Variants in UBR4 observed in about 807,000 individuals in gnomAD.
UBR4 encodes the protein ubiquitin protein ligase E3 component n-recognin 4, also known as E3 ubiquitin-protein ligase UBR4.
A neutral mutation model predicts 575.6 loss-of-function variants in UBR4; 124 were observed. The observed-to-expected ratio is 0.22, with a 90% CI of 0.19 to 0.25. UBR4 has a LOEUF of 0.25. UBR4 is among the 10% of genes least tolerant of loss of function. UBR4 has a pLI of 1.00. For synonymous variants in UBR4, 2,455 were observed against 2,473.7 expected, an observed-to-expected ratio of 0.99 and a Z score of 0.22; for missense variants, 4,818 against 6,478.8, an observed-to-expected ratio of 0.74 and a Z score of 8.80.
At chr1:19,119,851 A>G in intron 69 of UBR4, 150 bp from the exon 70 acceptor site, 4 of 1,121,628 alleles carry the variant, frequency 3.6e-6, no homozygotes, top group Non-Finnish European at 5.0e-6. Flanking sequence ...ATCCTACCAG[A>G]TGCAGCATAG....
At chr1:19,097,303 A>C in intron 90 of UBR4, 23 bp from the exon 91 acceptor site, 1 of 1,608,498 alleles carries the variant, frequency 6.2e-7, no homozygotes, top group Non-Finnish European at 8.5e-7. Context: ...AGTTGGAGAA[A>C]GGTACTTAAA....
At chr1:19,155,278 G>A (rs2086287212) in intron 43 of UBR4, among the ~76,000 whole-genome samples, 163 bp downstream of exon 43, 1 of 152,094 alleles carries the variant, frequency 6.6e-6, no homozygotes. Flanking sequence ...AAGAGAGTTT[G>A]CTATTAGGTA....
At position 19,144,082 on chromosome 1, in the gene UBR4, C is replaced by T. The variant is rs2084486571; in HGVS notation, c.8077G>A (p.Val2693Met). 1.2e-6 allele frequency: 2 copies of T among 1,613,900 alleles called. No homozygotes were observed. Among genetic ancestry groups the T allele is most frequent in the Non-Finnish European group, 8.5e-7 (1 of 1,179,816 alleles). ...AGAGCTTGTTTACAAGAGAAGCTCACAGCAGGATCCTGAGGTTTAAAAGGA... is the reference window on the plus strand; with the variant it reads ...AGAGCTTGTTTACAAGAGAAGCTCATAGCAGGATCCTGAGGTTTAAAAGGA... ...MQMLLCPDPA[V>M]SFSCKQALIR... Residue 2693 changes from valine to methionine, a missense_variant, in exon 55 of 106, where the codon GTG (valine) becomes ATG (methionine). Coordinates refer to ENST00000375254, the MANE Select transcript of UBR4 (RefSeq NM_020765.3).
Position 19,139,831 on chromosome 1 carries a change from A to G in UBR4, c.8594-611T>C, listed in dbSNP as rs1262601107. ...CATCCTCATCAGATGCTAATAATGA[A>G]GCAAGGAAATTCCCCAGAGACAGCC... On this transcript the variant is annotated intron_variant, in intron 58 of 105. Coordinates refer to ENST00000375254, the MANE Select transcript of UBR4 (RefSeq NM_020765.3). This position sits in a 1 kb window ranked among gnomAD's most constrained non-coding sequence, Gnocchi z 4.2. Among the ~76,000 whole-genome samples, 1 of 152,214 alleles carries G rather than the reference A, an allele frequency of 6.6e-6. No individual in the cohort carries two copies. The highest frequency in any genetic ancestry group is 2.4e-5 in the African/African-American group (1 of 41,458).
At chr1:19,098,962 G>GA (rs1286310827) in intron 90 of UBR4, among the ~76,000 whole-genome samples, 13 of 152,134 alleles carry the variant, frequency 8.5e-5, no homozygotes, top group African/African-American at 2.7e-4. Context: ...GGAAGAAAAA[G>GA]AAACAGGAAG....
In UBR4 at chr1:19,093,796, T is replaced by C. The variant is rs983449054; in HGVS notation, c.13937+153A>G. Among the ~76,000 whole-genome samples, 1 of 152,168 alleles carries C rather than the reference T, an allele frequency of 6.6e-6. No individual in the cohort carries two copies. The highest frequency in any genetic ancestry group is 2.4e-5 in the African/African-American group (1 of 41,444). On this transcript the variant is annotated intron_variant, in intron 95 of 105. Coordinates refer to ENST00000375254, the MANE Select transcript of UBR4 (RefSeq NM_020765.3). This position sits in a 1 kb window ranked among gnomAD's most constrained non-coding sequence, Gnocchi z 4.8. ...CTACTCTAATACAGTATATTTTAAC[T>C]ATTCACTTCCCAACTAGACTGAGCT...
At position 19,095,024 on chromosome 1, in the gene UBR4, G is replaced by A; in HGVS notation, c.13628C>T (p.Ala4543Val). 1 of 1,614,188 alleles carries A rather than the reference G, an allele frequency of 6.2e-7. No homozygotes were observed. Among genetic ancestry groups the A allele is most frequent in the Non-Finnish European group, 8.5e-7 (1 of 1,180,024 alleles). The change falls in exon 94 of 106, where the codon GCC becomes GTC. Residue 4543 changes from alanine (A) to valine (V), a missense_variant and splice_region_variant. Ala to Val is a moderately conservative substitution (Grantham distance 64). Around this residue, in one of 29 missense-constraint regions of UBR4, gnomAD observed 165 missense variants for 282.3 expected, o/e 0.58. Coordinates refer to ENST00000375254, the MANE Select transcript of UBR4 (RefSeq NM_020765.3). ...LNVMLGTLNL[A>V]LVAEQESKDS... ...CTTGCTTTCTTGTTCAGCTACAAGG[G>A]CCTGTAGGAGAAGGAGACTCAGTCA...
intron 1 of UBR4, among the ~76,000 whole-genome samples, chr1:19,205,956 T>C (rs551695774): frequency 6.6e-6 from 1 of 152,312 alleles, no homozygotes; most frequent in African/African-American, 2.4e-5. Flanking sequence ...AATTGTCGAA[T>C]GATAACCATG....
At position 19,123,017 on chromosome 1, in the gene UBR4, C is replaced by T. The variant is rs1225893584; in HGVS notation, c.9632G>A (p.Arg3211His). 1.9e-6 allele frequency: 3 copies of T among 1,614,058 alleles called. No homozygotes were observed. Among genetic ancestry groups the T allele is most frequent in the Non-Finnish European group, 2.5e-6 (3 of 1,180,038 alleles). The change falls in exon 66 of 106, where the codon CGC becomes CAC. Residue 3211 changes from arginine (R) to histidine (H), a missense_variant. Physicochemically the swap from Arg to His is conservative, Grantham distance 29. This residue lies in a region of UBR4 where 550 missense variants were observed against 791.5 expected (regional missense o/e 0.69). Coordinates refer to ENST00000375254, the MANE Select transcript of UBR4 (RefSeq NM_020765.3). The stretch of plus-strand genomic sequence containing the variant: ...TCCACAGATGAAGAGCAGAAGTTTG[C>T]GGACTTGACGGCGCACAAATGGAGT... ...QQTPFVRRQV[R>H]KLLLFICGSK...
At chr1:19,175,622 G>T (rs985503064) in intron 20 of UBR4, among the ~76,000 whole-genome samples, 2 of 152,024 alleles carry the variant, frequency 1.3e-5, no homozygotes. Context: ...GTTCACATTC[G>T]TTTCAGACCA....
intron 19 of UBR4, 51 bp downstream of exon 19, chr1:19,177,410 G>T: frequency 6.3e-7 from 1 of 1,592,082 alleles, no homozygotes; most frequent in Non-Finnish European, 8.6e-7. Context: ...CCATTGAGAA[G>T]AATAAAGTTC....
chr1:19,141,202 A>G (rs2083889581), intron 57 of UBR4, 145 bp downstream of exon 57: 2 of 1,105,752 alleles, frequency 1.8e-6, no homozygotes. Context: ...CTCACTCTCC[A>G]CCTGTATCTC....
Position 19,084,545 on chromosome 1 carries a change from C to T in UBR4, c.14967G>A (p.Leu4989=), listed in dbSNP as rs2076826978. Residue 4989 remains leucine (L), a synonymous_variant, in exon 102 of 106, where the codon CTG becomes CTA. Transcript: ENST00000375254. ...GGGGRESNIH[L]IPYIIHTVLY... is the part of the protein sequence containing the mutation. ...GCACAGTGTGAATGATGTACGGGAT[C>T]AGGTGGATGTTGCTCTCCCGGCCGC... 1.2e-6 allele frequency: 2 copies of T among 1,613,878 alleles called. No homozygotes were observed. Among genetic ancestry groups the T allele is most frequent in the Non-Finnish European group, 1.7e-6 (2 of 1,179,968 alleles).
chr1:19,132,584 C>A (rs144083064), intron 60 of UBR4, among the ~76,000 whole-genome samples: 27 of 9,654 alleles, frequency 2.8e-3, no homozygotes, highest in Middle Eastern at 0.042. Flanking sequence ...ACAATAACAA[C>A]AAAAAAAAAG....
intron 21 of UBR4, 44 bp from the exon 22 acceptor site, chr1:19,174,491 T>A: frequency 6.3e-7 from 1 of 1,594,498 alleles, no homozygotes. Context: ...ACTTTTAAAG[T>A]ATTTTTTCCT....
intron 25 of UBR4, 124 bp downstream of exon 25, chr1:19,172,740 C>A: frequency 3.3e-6 from 3 of 900,366 alleles, no homozygotes; most frequent in Non-Finnish European, 3.4e-6. Context: ...GAGAAGAAAG[C>A]ATTATACGTG....
chr1:19,151,115 A>G (rs1461165771), intron 48 of UBR4: 2 of 406,944 alleles, frequency 4.9e-6, no homozygotes, highest in Non-Finnish European at 9.0e-6. Flanking sequence ...TTCTTTGTTC[A>G]AAGTACAGAT....
chr1:19,150,889 A>G (rs2085588207), intron 48 of UBR4, 96 bp from the exon 49 acceptor site: 3 of 1,227,740 alleles, frequency 2.4e-6, no homozygotes, highest in Non-Finnish European at 3.5e-6. Flanking sequence ...GAAGTAAATC[A>G]CGTCAATTTT....
Position 19,164,891 on chromosome 1 carries a change from T to C in UBR4, c.4419A>G (p.Thr1473=), listed in dbSNP as rs1329461141. 1.2e-6 allele frequency: 2 copies of C among 1,613,954 alleles called. No individual in the cohort carries two copies. The highest frequency in any genetic ancestry group is 1.7e-6 in the Non-Finnish European group (2 of 1,180,010). The change falls in exon 32 of 106, where the codon ACA becomes ACG. Residue 1473 remains threonine, a synonymous_variant. Transcript: ENST00000375254. ...RLQAWLTRMT[T]SPPKDSDQLD... ...GCTGATCAGAATCTTTTGGGGGCGA[T>C]GTAGTCATGCGGGTGAGCCAGGCCT...
Sources: gnomAD v4.1 joint callset for allele counts (sites outside exome capture counted in the v4.1 genomes callset) on GRCh38, gnomAD v4.1.1 for gene constraint, gnomAD v4.1.1 regional missense constraint, Gnocchi (gnomAD v3.1) non-coding constraint, MANE v1.5 for transcripts, NCBI Gene and HGNC (gene_info 2026-07-23, HGNC 2026-07-21) for gene names.